Variants in WDR59 observed in about 807,000 individuals in gnomAD.
The protein encoded by WDR59 is WD repeat domain 59, also known as GATOR2 complex protein WDR59.
A neutral mutation model predicts 131.2 loss-of-function variants in WDR59; 100 were observed. That is an observed-to-expected ratio of 0.76 (90% CI 0.65 to 0.90). The LOEUF (loss-of-function observed/expected upper bound fraction) is 0.90, where lower values mean the gene tolerates loss of function less well. Among genes scored for constraint, WDR59 ranks in the 40% least tolerant of loss-of-function variants. WDR59 has a pLI of 0.00. For synonymous variants in WDR59, 601 were observed against 466.2 expected (o/e 1.29, Z -3.72); for missense variants, 1,203 against 1,262.2 (o/e 0.95, Z 0.71).
intron 18 of WDR59, among the ~76,000 whole-genome samples, chr16:74,894,118 A>T (rs1045919107): frequency 6.6e-6 from 1 of 152,222 alleles, no homozygotes; most frequent in Non-Finnish European, 1.5e-5. Context: ...ATAAGTTAGT[A>T]AAGGCCACAA....
chr16:74,956,556 C>T lies in WDR59; in HGVS notation c.159G>A (p.Lys53=). 6.2e-7 allele frequency: 1 copy of T among 1,614,104 alleles called. No individual in the cohort carries two copies. Among genetic ancestry groups the T allele is most frequent in the Non-Finnish European group, 8.5e-7 (1 of 1,180,014 alleles). The change falls in exon 3 of 26, where the codon AAG becomes AAA. Residue 53 remains lysine, a synonymous_variant. Transcript: ENST00000262144. ...TGTCCCATTTGCTCTGGCGAGAGATCTTTCGGTGACCTTCGAAAGGGGCAT... is the reference window on the plus strand; with the variant it reads ...TGTCCCATTTGCTCTGGCGAGAGATTTTTCGGTGACCTTCGAAAGGGGCAT... ...NLDAPFEGHR[K]ISRQSKWDIG...
At chr16:74,878,005 A>G (rs1399880224) in intron 25 of WDR59, among the ~76,000 whole-genome samples, 1 of 152,184 alleles carries the variant, frequency 6.6e-6, no homozygotes, top group Non-Finnish European at 1.5e-5. Context: ...ACTCTCTACT[A>G]TAAACGTCAG....
At position 74,931,129 on chromosome 16, in the gene WDR59, A is replaced by T. The variant is rs531962601; in HGVS notation, c.651+7021T>A. 2.0e-5 allele frequency among the ~76,000 whole-genome samples: 3 copies of T among 152,172 alleles called. No individual in the cohort carries two copies. In the South Asian group the frequency reaches 6.2e-4, roughly 32 times the overall value. On this transcript the variant is annotated intron_variant, in intron 8 of 25. Transcript: ENST00000262144. ...CACAGTATAAACATTGATTTTTAACATACTATTCTAACTTAAATAAGCCTT... is the reference window on the plus strand; with the variant it reads ...CACAGTATAAACATTGATTTTTAACTTACTATTCTAACTTAAATAAGCCTT...
chr16:74,905,130 C>T (rs1488783769), intron 17 of WDR59, among the ~76,000 whole-genome samples: 1 of 152,156 alleles, frequency 6.6e-6, no homozygotes, highest in Non-Finnish European at 1.5e-5. Flanking sequence ...AATCCCAGCA[C>T]TTTGGGAGGC....
intron 11 of WDR59, 103 bp downstream of exon 11, chr16:74,917,826 A>T: frequency 9.5e-7 from 1 of 1,048,578 alleles, no homozygotes; most frequent in Non-Finnish European, 1.4e-6. Context: ...AAAAAAAAAA[A>T]AAAAAATTGT....
chr16:74,920,137 TGA>T (rs1210576754), intron 10 of WDR59, among the ~76,000 whole-genome samples: 2 of 151,864 alleles, frequency 1.3e-5, no homozygotes, highest in Non-Finnish European at 2.9e-5. Context: ...AACCTTCAGC[TGA>T]GAAAGAAGTA....
chr16:74,877,275 C>T (rs1419670974), intron 25 of WDR59, among the ~76,000 whole-genome samples: 1 of 151,986 alleles, frequency 6.6e-6, no homozygotes, highest in Non-Finnish European at 1.5e-5. Context: ...GGTATCTTAA[C>T]ATTTTTAAAC....
intron 8 of WDR59, among the ~76,000 whole-genome samples, chr16:74,934,457 C>T (rs576795198): frequency 6.6e-6 from 1 of 152,276 alleles, no homozygotes; most frequent in African/African-American, 2.4e-5. Flanking sequence ...GCTCTCAAGG[C>T]AATCACTGAT....
intron 25 of WDR59, among the ~76,000 whole-genome samples, chr16:74,880,274 CA>C (rs1343231327): frequency 6.6e-6 from 1 of 151,908 alleles, no homozygotes. Flanking sequence ...GGTGAAACCC[CA>C]TCTCTACTAA....
intron 10 of WDR59, among the ~76,000 whole-genome samples, chr16:74,918,768 A>C (rs1229875078): frequency 6.6e-6 from 1 of 152,202 alleles, no homozygotes; most frequent in East Asian, 1.9e-4. Flanking sequence ...CCAATTTCTT[A>C]ATTTTATGGA....
Position 74,874,368 on chromosome 16 carries a change from G to A in WDR59, c.2766C>T (p.Phe922=), listed in dbSNP as rs1346246000. Residue 922 remains phenylalanine, a synonymous_variant, in exon 26 of 26, where the codon TTC becomes TTT. Coordinates refer to ENST00000262144, the MANE Select transcript of WDR59 (RefSeq NM_030581.4). The part of the protein sequence containing the change: ...TQCAICKGFT[F]QCAICHVAVR... ...CAGCCACGTGACAGATGGCACACTGGAACGTGAAGCCTTTGCAGATGGCAC... is the reference window on the plus strand; with the variant it reads ...CAGCCACGTGACAGATGGCACACTGAAACGTGAAGCCTTTGCAGATGGCAC... 1.2e-6 allele frequency: 2 copies of A among 1,614,036 alleles called. No homozygotes were observed. Among genetic ancestry groups the A allele is most frequent in the African/African-American group, 1.3e-5 (1 of 74,932 alleles).
At chr16:74,919,815 G>A (rs2029993223) in intron 10 of WDR59, among the ~76,000 whole-genome samples, 1 of 152,084 alleles carries the variant, frequency 6.6e-6, no homozygotes, top group African/African-American at 2.4e-5. Context: ...ACCTCTTTGA[G>A]AAATCCTTCC....
chr16:74,924,716 C>G (rs4888312), intron 8 of WDR59, among the ~76,000 whole-genome samples: 54,692 of 151,928 alleles, frequency 0.36, 9,922 homozygotes, highest in African/African-American at 0.42. Context: ...AAGAGTGAAA[C>G]TCGGAACTGC....
intron 22 of WDR59, among the ~76,000 whole-genome samples, 170 bp downstream of exon 22, chr16:74,887,999 T>A (rs1964850178): frequency 6.6e-6 from 1 of 151,298 alleles, no homozygotes; most frequent in Non-Finnish European, 1.5e-5. Context: ...ATGCCTGTAA[T>A]CCCAGCTATT....
chr16:74,929,420 A>G (rs908739120), intron 8 of WDR59, among the ~76,000 whole-genome samples: 1 of 152,248 alleles, frequency 6.6e-6, no homozygotes, highest in Admixed American at 6.5e-5. Flanking sequence ...CAAACAGTAT[A>G]TGAAAAGATG....
intron 1 of WDR59, among the ~76,000 whole-genome samples, chr16:74,972,027 A>G (rs1007123661): frequency 2.0e-5 from 3 of 152,144 alleles, no homozygotes; most frequent in Non-Finnish European, 4.4e-5. Flanking sequence ...GCTTTTCCAT[A>G]CTGAAAAGTC....
chr16:74,885,263 G>A (rs1567686288), intron 25 of WDR59, among the ~76,000 whole-genome samples: 2 of 151,862 alleles, frequency 1.3e-5, no homozygotes, highest in Non-Finnish European at 2.9e-5. Flanking sequence ...GACCAGCCTG[G>A]CCAACGTGGT....
intron 10 of WDR59, 127 bp downstream of exon 10, chr16:74,921,820 C>T: frequency 8.2e-7 from 1 of 1,221,290 alleles, no homozygotes; most frequent in South Asian, 1.6e-5. Flanking sequence ...GGCAACAGCC[C>T]TGGCTCTCTG....
At chr16:74,907,250 A>G (rs1015879138) in intron 17 of WDR59, among the ~76,000 whole-genome samples, 1 of 152,154 alleles carries the variant, frequency 6.6e-6, no homozygotes, top group African/African-American at 2.4e-5. Context: ...CTATTCATTC[A>G]TAACTGATAT....
Sources: allele counts gnomAD v4.1 joint callset (sites outside exome capture counted in the v4.1 genomes callset), GRCh38; gene constraint gnomAD v4.1.1; transcripts MANE v1.5; gene names NCBI Gene and HGNC (gene_info 2026-07-23, HGNC 2026-07-21).